The following ITGA9 variants were observed in gnomAD, a reference collection of about 807,000 sequenced individuals.
ITGA9 encodes the protein integrin subunit alpha 9.
Under a neutral mutation model 127.8 loss-of-function variants are expected in ITGA9, and 56 were observed. The observed-to-expected ratio is 0.44, with a 90% confidence interval of 0.35 to 0.55. The LOEUF (loss-of-function observed/expected upper bound fraction) is 0.55. Among genes scored for constraint, ITGA9 ranks in the 20% least tolerant of loss-of-function variants. The pLI, the probability that ITGA9 is intolerant of heterozygous loss-of-function variation, is 0.00. For missense variants in ITGA9, 1,196 were observed against 1,347.1 expected, an observed-to-expected ratio of 0.89 and a Z score of 1.76; for synonymous variants, 508 against 514.5, an observed-to-expected ratio of 0.99 and a Z score of 0.17.
At chr3:37,506,161 C>A in intron 7 of ITGA9, 76 bp downstream of exon 7, 1 of 1,110,758 alleles carries the variant, frequency 9.0e-7, no homozygotes, top group South Asian at 1.3e-5. Context: ...CAGAGGTTTG[C>A]CAGCTGACAT....
At chr3:37,675,836 C>T (rs977070673) in intron 17 of ITGA9, among the ~76,000 whole-genome samples, 17 of 147,752 alleles carry the variant, frequency 1.2e-4, no homozygotes, top group Non-Finnish European at 1.5e-4. Flanking sequence ...TTCTGCCTCC[C>T]GGGTTCCAGC....
At chr3:37,588,410 C>T (rs562913251) in intron 15 of ITGA9, among the ~76,000 whole-genome samples, 1 of 148,578 alleles carries the variant, frequency 6.7e-6, no homozygotes, top group African/African-American at 2.5e-5. Flanking sequence ...CAAGCTTCGT[C>T]CACCCCCTCC....
intron 20 of ITGA9, 91 bp downstream of exon 20, chr3:37,737,074 G>A: frequency 1.2e-6 from 1 of 860,688 alleles, no homozygotes; most frequent in Non-Finnish European, 2.0e-6. Context: ...ATGAATCCCA[G>A]GATGCTGAGG....
At chr3:37,475,111 C>T (rs1698479781) in intron 3 of ITGA9, among the ~76,000 whole-genome samples, 1 of 152,200 alleles carries the variant, frequency 6.6e-6, no homozygotes, top group African/African-American at 2.4e-5. Context: ...TGGCCCTGGA[C>T]CCTCTCCAAA....
intron 17 of ITGA9, among the ~76,000 whole-genome samples, chr3:37,655,030 T>C (rs1012598424): frequency 2.0e-5 from 3 of 152,222 alleles, no homozygotes; most frequent in Non-Finnish European, 4.4e-5. Context: ...ACTCATCCTT[T>C]TTTATGGCTG....
chr3:37,512,018 CTTTTCTTTTCTTTCTTTCTTT>C lies in ITGA9; in HGVS notation c.898-1744_898-1724del, dbSNP rs1698916397. On this transcript the variant is annotated intron_variant, in intron 8 of 27. Transcript: ENST00000264741. The stretch of plus-strand genomic sequence containing the variant: ...CTTTTCTTTTCTTTTCTTTTCTTTT[CTTTTCTTTTCTTTCTTTCTTT>C]CTTTCTTTCTTTCTTTCTTTCTTTC... Among the ~76,000 whole-genome samples the C allele has an allele frequency of 4.5e-4, 15 of 33,108 alleles. 3 individuals are homozygous for C. The highest frequency in any genetic ancestry group is 1.5e-3 in the African/African-American group (14 of 9,056). 21.7% of individuals were successfully genotyped at this position (33,108 alleles called of 152,430 possible).
intron 5 of ITGA9, 23 bp from the exon 6 acceptor site, chr3:37,503,155 A>G (rs1031579535): frequency 2.5e-6 from 4 of 1,613,102 alleles, no homozygotes; most frequent in Non-Finnish European, 3.4e-6. Flanking sequence ...TTCTCTGCTT[A>G]CCGTTGGATT....
intron 5 of ITGA9, among the ~76,000 whole-genome samples, chr3:37,498,903 G>A (rs1010285765): frequency 5.3e-5 from 8 of 152,220 alleles, no homozygotes; most frequent in African/African-American, 1.7e-4. Context: ...AGGCCAGCGC[G>A]ACTCCCCTCC....
intron 15 of ITGA9, among the ~76,000 whole-genome samples, chr3:37,557,858 G>T (rs988589653): frequency 6.6e-6 from 1 of 152,146 alleles, no homozygotes; most frequent in East Asian, 1.9e-4. Flanking sequence ...GAGATTTAGA[G>T]CATTTAATTT....
chr3:37,624,189 G>GA (rs901035168), intron 15 of ITGA9, among the ~76,000 whole-genome samples: 4 of 104,306 alleles, frequency 3.8e-5, no homozygotes, highest in Non-Finnish European at 7.8e-5. Flanking sequence ...AGCTAAGGAA[G>GA]AAAAAAAACC....
At chr3:37,477,425 C>T (rs573215107) in intron 3 of ITGA9, among the ~76,000 whole-genome samples, 61 of 152,248 alleles carry the variant, frequency 4.0e-4, no homozygotes, top group African/African-American at 1.4e-3. Flanking sequence ...GACCATGGAC[C>T]CAGCAACCAG....
intron 23 of ITGA9, among the ~76,000 whole-genome samples, chr3:37,756,188 G>T (rs1296203341): frequency 6.8e-6 from 1 of 147,108 alleles, no homozygotes; most frequent in Non-Finnish European, 1.5e-5. Context: ...TTAACCCAAA[G>T]AAATAAAGTA....
At chr3:37,725,937 G>T (rs777898236) in intron 18 of ITGA9, among the ~76,000 whole-genome samples, 1 of 152,316 alleles carries the variant, frequency 6.6e-6, no homozygotes, top group South Asian at 2.1e-4. Flanking sequence ...TATGCTGCAG[G>T]CTCAGGTGTT....
At chr3:37,526,524 ACCGGGAG>A (rs1361060233) in intron 13 of ITGA9, among the ~76,000 whole-genome samples, 2 of 152,186 alleles carry the variant, frequency 1.3e-5, no homozygotes, top group Non-Finnish European at 2.9e-5. Flanking sequence ...CACCCTGGGG[ACCGGGAG>A]CCTCCTGCCC....
At chr3:37,708,459 G>A (rs1701031968) in intron 18 of ITGA9, among the ~76,000 whole-genome samples, 1 of 152,226 alleles carries the variant, frequency 6.6e-6, no homozygotes, top group African/African-American at 2.4e-5. Flanking sequence ...GGGAGGGTTG[G>A]AGAGTGGGCG....
rs183388706 is a variant in ITGA9, at chr3:37,794,313, G to C, written c.2889+9235G>C. On this transcript the variant is annotated intron_variant, in intron 26 of 27. Coordinates refer to ENST00000264741, the MANE Select transcript of ITGA9 (RefSeq NM_002207.3). ...TGTTGGCGAGCCCTGAGTCTCCCTT[G>C]ACCCCTTACCCCTCTGGCCTGTGCT... Among the ~76,000 whole-genome samples, 505 of 152,278 alleles carry C rather than the reference G, an allele frequency of 3.3e-3. 6 individuals are homozygous for C. Among genetic ancestry groups the C allele is most frequent in the South Asian group, 2.9e-3 (14 of 4,826 alleles).
chr3:37,688,177 A>T (rs1700799302), intron 18 of ITGA9, among the ~76,000 whole-genome samples: 1 of 152,158 alleles, frequency 6.6e-6, no homozygotes, highest in Non-Finnish European at 1.5e-5. Flanking sequence ...GAAGCCTTTG[A>T]CCTGGAGGGG....
chr3:37,672,316 T>C (rs944824257), intron 17 of ITGA9, among the ~76,000 whole-genome samples: 6 of 152,166 alleles, frequency 3.9e-5, no homozygotes, highest in African/African-American at 1.2e-4. Context: ...GGGTCTTTCC[T>C]GTGTTGTTCT....
intron 23 of ITGA9, among the ~76,000 whole-genome samples, chr3:37,769,138 A>G (rs1459222051): frequency 6.6e-6 from 1 of 152,122 alleles, no homozygotes; most frequent in Non-Finnish European, 1.5e-5. Context: ...CAGGAGTTTG[A>G]GACCAGCCTG....
Sources: allele counts gnomAD v4.1 joint callset (sites outside exome capture counted in the v4.1 genomes callset), GRCh38; gene constraint gnomAD v4.1.1; transcripts MANE v1.5; gene names NCBI Gene and HGNC (gene_info 2026-07-23, HGNC 2026-07-21).